Variants in SLC22A23 observed in about 807,000 individuals in gnomAD.
The protein encoded by SLC22A23 is solute carrier family 22 member 23, also known as ion transporter protein.
Under a neutral mutation model 61.0 loss-of-function variants are expected in SLC22A23, and 26 were observed. The ratio of observed to expected loss-of-function variants is 0.43; its 90% CI spans 0.31 to 0.59. The LOEUF (loss-of-function observed/expected upper bound fraction) is 0.59. Among genes scored for constraint, SLC22A23 ranks in the 20% least tolerant of loss-of-function variants. The probability of loss-of-function intolerance (pLI) is 0.11; values close to 1 mark genes in which losing one functional copy is unlikely to be tolerated. For synonymous variants in SLC22A23, 430 were observed against 413.9 expected (o/e 1.04, Z -0.47); for missense variants, 796 against 934.7 (o/e 0.85, Z 1.94).
In SLC22A23 at chr6:3,322,739, A is replaced by G. The variant is rs1239469239; in HGVS notation, c.1082+1095T>C. Among the ~76,000 whole-genome samples the G allele has an allele frequency of 6.6e-6, 1 of 152,168 alleles. No homozygotes were observed. The highest frequency in any genetic ancestry group is 1.9e-4 in the East Asian group (1 of 5,194). On this transcript the variant is annotated intron_variant, in intron 4 of 9. Coordinates refer to ENST00000406686, the MANE Select transcript of SLC22A23 (RefSeq NM_015482.2). This position sits in a 1 kb window ranked among gnomAD's most constrained non-coding sequence, Gnocchi z 4.1. ...CGGGGGGCAGTACCACTAAGCCAAA[A>G]GGTAGGTGCTTTCTTCCCTCCCGGG...
chr6:3,362,709 G>C (rs1484606748), intron 3 of SLC22A23, among the ~76,000 whole-genome samples: 1 of 152,146 alleles, frequency 6.6e-6, no homozygotes, highest in Non-Finnish European at 1.5e-5. Context: ...CACAGAGTGA[G>C]GATGGGAGAA....
chr6:3,447,478 A>G (rs951407435), intron 1 of SLC22A23, among the ~76,000 whole-genome samples: 1 of 152,122 alleles, frequency 6.6e-6, no homozygotes, highest in Admixed American at 6.5e-5. Flanking sequence ...ATGGAAGCTG[A>G]GCTGTCTACT....
At position 3,324,738 on chromosome 6, in the gene SLC22A23, C is replaced by A. The variant is rs947402085; in HGVS notation, c.914-736G>T. Among the ~76,000 whole-genome samples, 3 of 152,266 alleles carry A rather than the reference C, an allele frequency of 2.0e-5. No individual in the cohort carries two copies. The highest frequency in any genetic ancestry group is 7.2e-5 in the African/African-American group (3 of 41,468). On this transcript the variant is annotated intron_variant, in intron 3 of 9. Transcript: ENST00000406686. The surrounding 1 kb of genome is among the most constrained non-coding windows in gnomAD (Gnocchi z 4.3). ...ATCCTTTCTCTGTCTCTATTGGACA[C>A]CACCCCCGGGCAAGGCCCATGTCTA...
At chr6:3,337,907 T>C (rs1032592953) in intron 3 of SLC22A23, among the ~76,000 whole-genome samples, 1 of 152,214 alleles carries the variant, frequency 6.6e-6, no homozygotes, top group African/African-American at 2.4e-5. Flanking sequence ...AAAGAGCAGA[T>C]GCAGGAAAAG....
At chr6:3,343,609 G>A (rs1181624357) in intron 3 of SLC22A23, among the ~76,000 whole-genome samples, 1 of 152,110 alleles carries the variant, frequency 6.6e-6, no homozygotes, top group East Asian at 1.9e-4. Context: ...TTATCAATGA[G>A]GGCTCTCTCC....
In SLC22A23 at chr6:3,427,999, C is replaced by T. The variant is rs1296466955; in HGVS notation, c.655-12144G>A. On this transcript the variant is annotated intron_variant, in intron 1 of 9. Coordinates refer to ENST00000406686, the MANE Select transcript of SLC22A23 (RefSeq NM_015482.2). The surrounding 1 kb of genome is among the most constrained non-coding windows in gnomAD (Gnocchi z 4.3). Reference sequence around the variant, plus strand: ...GTGCCTCCGGCATCCTGGGGACAAGCGGACTGAGAGGCAGCTCTCTAAGAG... The same window carrying T: ...GTGCCTCCGGCATCCTGGGGACAAGTGGACTGAGAGGCAGCTCTCTAAGAG... 2.6e-5 allele frequency among the ~76,000 whole-genome samples: 4 copies of T among 152,202 alleles called. No individual in the cohort carries two copies. The highest frequency in any genetic ancestry group is 4.4e-5 in the Non-Finnish European group (3 of 68,034).
chr6:3,282,916 C>T (rs913930525), intron 9 of SLC22A23, among the ~76,000 whole-genome samples: 8 of 152,124 alleles, frequency 5.3e-5, no homozygotes, highest in African/African-American at 1.9e-4. Flanking sequence ...GCCTCACTTT[C>T]CGAACTAAAG....
At chr6:3,450,378 CT>C (rs1772104784) in intron 1 of SLC22A23, among the ~76,000 whole-genome samples, 1 of 152,296 alleles carries the variant, frequency 6.6e-6, no homozygotes, top group East Asian at 1.9e-4. Context: ...GTGATCTCGG[CT>C]CACCGCAACC....
Position 3,390,903 on chromosome 6 carries a change from CACTT to C in SLC22A23, c.913+19281_913+19284del, listed in dbSNP as rs2127486648. 6.6e-6 allele frequency among the ~76,000 whole-genome samples: 1 copy of C among 152,348 alleles called. No individual in the cohort carries two copies. The highest frequency in any genetic ancestry group is 1.9e-4 in the East Asian group (1 of 5,188). ...ACCCAGAGATCTGAGGGAACCATGACACTTACTGTTGATGTTGGCGCCTCTTTTT... is the reference window on the plus strand; with the variant it reads ...ACCCAGAGATCTGAGGGAACCATGACACTGTTGATGTTGGCGCCTCTTTTT... On this transcript the variant is annotated intron_variant, in intron 3 of 9. Coordinates refer to ENST00000406686, the MANE Select transcript of SLC22A23 (RefSeq NM_015482.2). This position sits in a 1 kb window ranked among gnomAD's most constrained non-coding sequence, Gnocchi z 4.0.
chr6:3,326,326 G>A (rs1763278664), intron 3 of SLC22A23, among the ~76,000 whole-genome samples: 1 of 152,212 alleles, frequency 6.6e-6, no homozygotes, highest in Non-Finnish European at 1.5e-5. Flanking sequence ...GCTGCCTGAA[G>A]TGTAGCGTGT....
At chr6:3,398,008 C>T (rs1289789593) in intron 3 of SLC22A23, among the ~76,000 whole-genome samples, 2 of 152,232 alleles carry the variant, frequency 1.3e-5, no homozygotes, top group African/African-American at 4.8e-5. Context: ...CACATGACCC[C>T]ACCCTAACAC....
chr6:3,323,972 A>C lies in SLC22A23; in HGVS notation c.944T>G (p.Phe315Cys). Residue 315 changes from phenylalanine to cysteine, a missense_variant, in exon 4 of 10, where the codon TTC becomes TGC. By Grantham distance (205) the Phe-to-Cys change is radical. Transcript: ENST00000406686. ...RIELCPPGKRFMITMVASFVA... is the reference protein window; with the variant it reads ...RIELCPPGKRCMITMVASFVA... ...GAAGCTCGCCACCATCGTAATCATG[A>C]ACCGTTTTCCAGGGGGGCACAGCTC... 1 of 1,614,236 alleles carries C rather than the reference A, an allele frequency of 6.2e-7. No homozygotes were observed. Among genetic ancestry groups the C allele is most frequent in the Non-Finnish European group, 8.5e-7 (1 of 1,180,026 alleles).
intron 1 of SLC22A23, among the ~76,000 whole-genome samples, chr6:3,442,652 T>A (rs34350312): frequency 0.16 from 24,005 of 152,122 alleles, 2,094 homozygotes; most frequent in Non-Finnish European, 0.19. Context: ...GCTAAGTACA[T>A]AACCCGTCCA....
rs1772310374 is a variant in SLC22A23, at chr6:3,454,752, GGTTGGTACAAGATTAA to G, written c.654+1138_654+1153del. On this transcript the variant is annotated intron_variant, in intron 1 of 9. Transcript: ENST00000406686. The surrounding 1 kb of genome is among the most constrained non-coding windows in gnomAD (Gnocchi z 4.3). ...CCACAGGACAGAGCATTTCTGGCCA[GGTTGGTACAAGATTAA>G]AACAATGATTATGATGATGTAAGAG... 3.3e-5 allele frequency among the ~76,000 whole-genome samples: 5 copies of G among 152,294 alleles called. 1 individual carries two copies. In the South Asian group the frequency reaches 8.3e-4, roughly 25 times the overall value.
Position 3,393,259 on chromosome 6 carries a change from C to T in SLC22A23, c.913+16929G>A, listed in dbSNP as rs148439158. Among the ~76,000 whole-genome samples the T allele has an allele frequency of 7.6e-4, 116 of 152,204 alleles. 1 individual carries two copies. The highest frequency in any genetic ancestry group is 7.2e-4 in the Non-Finnish European group (49 of 68,012). On this transcript the variant is annotated intron_variant, in intron 3 of 9. Transcript: ENST00000406686. ...GGCCCCAGAGACAATGCTTGGGGCT[C>T]ATGTTTGGAGAAGTTTTGCTGTGAA...
At chr6:3,282,271 T>C in intron 9 of SLC22A23, 1 of 702,628 alleles carries the variant, frequency 1.4e-6, no homozygotes, top group East Asian at 2.7e-5. Flanking sequence ...TGAGGTATCC[T>C]GCAACTGCAA....
chr6:3,362,507 T>G (rs1412554071), intron 3 of SLC22A23, among the ~76,000 whole-genome samples: 1 of 151,804 alleles, frequency 6.6e-6, no homozygotes, highest in East Asian at 1.9e-4. Flanking sequence ...ACCAAACAGT[T>G]GTTAACCAGG....
At chr6:3,419,485 C>T (rs990972684) in intron 1 of SLC22A23, among the ~76,000 whole-genome samples, 3 of 152,170 alleles carry the variant, frequency 2.0e-5, no homozygotes, top group Admixed American at 1.3e-4. Context: ...CTGTGTGCAA[C>T]CTTGTTCGAA....
In SLC22A23 at chr6:3,270,602, A is replaced by C. The variant is rs1009321756; in HGVS notation, c.*2453T>G. On this transcript the variant is annotated 3_prime_UTR_variant, in exon 10 of 10. Coordinates refer to ENST00000406686, the MANE Select transcript of SLC22A23 (RefSeq NM_015482.2). ...CCGACCGTCGGCAAGTCAGCCTCAC[A>C]CCCACTGGACTCTGCTCCCAAGAGC... 6.9e-6 allele frequency: 1 copy of C among 144,526 alleles called. No homozygotes were observed. The highest frequency in any genetic ancestry group is 1.5e-5 in the Non-Finnish European group (1 of 65,482). The allele number at this position is 144,526 out of a possible 1,614,324, so 9.0% of individuals were successfully genotyped here. A position where few individuals can be genotyped will look rare whatever the true frequency, so the allele number is the denominator to read the frequency against.
Sources: gnomAD v4.1 joint callset for allele counts (sites outside exome capture counted in the v4.1 genomes callset) on GRCh38, gnomAD v4.1.1 for gene constraint, Gnocchi (gnomAD v3.1) non-coding constraint, MANE v1.5 for transcripts, NCBI Gene and HGNC (gene_info 2026-07-23, HGNC 2026-07-21) for gene names.